Variants in YIPF1 observed in about 807,000 individuals in gnomAD.
YIPF1 encodes protein YIPF1.
YIPF1 carries 22 observed loss-of-function variants against 37.0 expected under a neutral mutation model. The ratio of observed to expected loss-of-function variants is 0.59; its 90% CI spans 0.42 to 0.85. The LOEUF (loss-of-function observed/expected upper bound fraction) is 0.85, where lower values mean the gene tolerates loss of function less well. Ranked by LOEUF, YIPF1 falls within the 40% of genes least tolerant of loss-of-function variation. The pLI is 0.00. For missense variants in YIPF1, 355 were observed against 373.1 expected (o/e 0.95, Z 0.40); for synonymous variants, 128 against 131.9 (o/e 0.97, Z 0.21).
At position 53,868,714 on chromosome 1, in the gene YIPF1, C is replaced by T. The variant is rs531573608; in HGVS notation, c.482-1790G>A. Among the ~76,000 whole-genome samples, 59 of 152,114 alleles carry T rather than the reference C, an allele frequency of 3.9e-4. 1 individual carries two copies. Among genetic ancestry groups the T allele is most frequent in the South Asian group, 1.5e-3 (7 of 4,822 alleles). ...TGTGACTCATACTTTTTACATAAAA[C>T]GGAAAAATGTTTATTGATAGGGCCA... On this transcript the variant is annotated intron_variant, in intron 7 of 10. Transcript: ENST00000072644.
chr1:53,888,795 G>A, intron 3 of YIPF1, 112 bp downstream of exon 3: 1 of 1,098,368 alleles, frequency 9.1e-7, no homozygotes, highest in Non-Finnish European at 1.3e-6. Flanking sequence ...CAGCCACCAA[G>A]ATGTTTGAAA....
intron 10 of YIPF1, among the ~76,000 whole-genome samples, chr1:53,854,665 T>C (rs539793163): frequency 8.5e-5 from 13 of 152,330 alleles, no homozygotes; most frequent in African/African-American, 2.6e-4. Flanking sequence ...GCGTATGAGA[T>C]GTAAAACTGG....
chr1:53,858,985 A>T (rs185898514), intron 10 of YIPF1, among the ~76,000 whole-genome samples: 60 of 152,284 alleles, frequency 3.9e-4, no homozygotes, highest in Admixed American at 8.5e-4. Context: ...GTTTTTGCAC[A>T]CATCTCATGC....
In YIPF1 at chr1:53,866,967, T is replaced by C; in HGVS notation, c.482-43A>G. The C allele has an allele frequency of 1.9e-6, 3 of 1,575,874 alleles. No homozygotes were observed. The South Asian group carries it at 3.6e-5, about 19-fold the overall frequency. ...CAAGTTTCAATCTCCATCATGCCTTTAGTAGACTATCAGAGCACTTCCAAC... is the reference window on the plus strand; with the variant it reads ...CAAGTTTCAATCTCCATCATGCCTTCAGTAGACTATCAGAGCACTTCCAAC... On this transcript the variant is annotated intron_variant, in intron 7 of 10. Coordinates refer to ENST00000072644, the MANE Select transcript of YIPF1 (RefSeq NM_018982.5).
chr1:53,863,741 C>T (rs1381578855), intron 9 of YIPF1, among the ~76,000 whole-genome samples: 1 of 151,670 alleles, frequency 6.6e-6, no homozygotes, highest in African/African-American at 2.4e-5. Flanking sequence ...GAAATGGGTT[C>T]TTTTTTTTGT....
intron 4 of YIPF1, among the ~76,000 whole-genome samples, chr1:53,879,951 A>G (rs913266463): frequency 1.3e-5 from 2 of 152,148 alleles, no homozygotes; most frequent in African/African-American, 2.4e-5. Flanking sequence ...ATCCCCAACC[A>G]AGGAAAGCAT....
At position 53,866,186 on chromosome 1, in the gene YIPF1, G is replaced by T. The variant is rs370333454; in HGVS notation, c.831+14C>A. ...TATAAAACACACCAAAAGAATATACGACTGAACCCATACCAAGCAGCCCAC... is the reference window on the plus strand; with the variant it reads ...TATAAAACACACCAAAAGAATATACTACTGAACCCATACCAAGCAGCCCAC... On this transcript the variant is annotated intron_variant, in intron 9 of 10. Transcript: ENST00000072644. The T allele has an allele frequency of 1.2e-6, 2 of 1,612,164 alleles. No individual in the cohort carries two copies. The highest frequency in any genetic ancestry group is 1.3e-5 in the African/African-American group (1 of 74,816).
At chr1:53,865,385 G>C (rs1649990012) in intron 9 of YIPF1, among the ~76,000 whole-genome samples, 2 of 151,882 alleles carry the variant, frequency 1.3e-5, no homozygotes, top group Admixed American at 6.6e-5. Flanking sequence ...AAATATGTAA[G>C]TTAAAAACAC....
In YIPF1 at chr1:53,866,758, T is replaced by C. The variant is rs755113804; in HGVS notation, c.648A>G (p.Ala216=). The change falls in exon 8 of 11, where the codon GCA becomes GCG. Residue 216 remains alanine, a splice_region_variant and synonymous_variant. Coordinates refer to ENST00000072644, the MANE Select transcript of YIPF1 (RefSeq NM_018982.5). ...GYSLFIYIPT[A]ILWIIPQKAV... The stretch of plus-strand genomic sequence containing the variant: ...TCTACTCCCTAAGTATGGTACTTAC[T>C]GCGGTGGGGATATAAATGAAGAGGG... 6.2e-7 allele frequency: 1 copy of C among 1,612,114 alleles called. No homozygotes were observed. The highest frequency in any genetic ancestry group is 8.5e-7 in the Non-Finnish European group (1 of 1,178,900).
intron 6 of YIPF1, among the ~76,000 whole-genome samples, chr1:53,872,474 A>C (rs924679116): frequency 6.6e-6 from 1 of 152,204 alleles, no homozygotes; most frequent in African/African-American, 2.4e-5. Flanking sequence ...AGATGAGTGG[A>C]CCATGCTTTA....
At chr1:53,874,996 G>A (rs1650297663) in intron 6 of YIPF1, among the ~76,000 whole-genome samples, 2 of 152,090 alleles carry the variant, frequency 1.3e-5, no homozygotes, top group South Asian at 4.1e-4. Flanking sequence ...TACTGCTACA[G>A]TGGATAATAT....
intron 10 of YIPF1, among the ~76,000 whole-genome samples, chr1:53,857,140 C>G (rs1411755183): frequency 6.6e-6 from 1 of 152,162 alleles, no homozygotes; most frequent in African/African-American, 2.4e-5. Context: ...GGAATTGAAT[C>G]CTGCCAACAA....
At chr1:53,857,062 G>A (rs1023967205) in intron 10 of YIPF1, among the ~76,000 whole-genome samples, 13 of 152,158 alleles carry the variant, frequency 8.5e-5, no homozygotes, top group African/African-American at 3.1e-4. Flanking sequence ...AGAGGCCCAC[G>A]TGGCAAGCAA....
At chr1:53,869,596 T>TA (rs1247233413) in intron 7 of YIPF1, among the ~76,000 whole-genome samples, 2 of 152,118 alleles carry the variant, frequency 1.3e-5, no homozygotes, top group African/African-American at 4.8e-5. Context: ...CCAGGCTACT[T>TA]ACAGCCTCTC....
chr1:53,864,920 C>A (rs1288122723), intron 9 of YIPF1, among the ~76,000 whole-genome samples: 1 of 152,006 alleles, frequency 6.6e-6, no homozygotes, highest in African/African-American at 2.4e-5. Context: ...GGAAATATAC[C>A]CATGTCACAG....
At position 53,866,324 on chromosome 1, in the gene YIPF1, C is replaced by T; in HGVS notation, c.707G>A (p.Gly236Asp). 6.2e-7 allele frequency: 1 copy of T among 1,614,088 alleles called. No homozygotes were observed. The highest frequency in any genetic ancestry group is 8.5e-7 in the Non-Finnish European group (1 of 1,179,988). ...VRWILVMIAL[G>D]ISGSLLAMTF... is the part of the protein sequence containing the mutation. ...CATTGCCAAGAGAGATCCTGAGATGCCCAGGGCAATCATGACTAGAATCCA... is the reference window on the plus strand; with the variant it reads ...CATTGCCAAGAGAGATCCTGAGATGTCCAGGGCAATCATGACTAGAATCCA... The change falls in exon 9 of 11, where the codon GGC (glycine) becomes GAC (aspartate). Residue 236 changes from glycine (G) to aspartate (D), a missense_variant. By Grantham distance (94) the Gly-to-Asp change is moderately conservative (BLOSUM62 -1). Transcript: ENST00000072644.
chr1:53,859,885 T>A (rs1056931904), intron 10 of YIPF1, among the ~76,000 whole-genome samples, 171 bp downstream of exon 10: 1 of 151,982 alleles, frequency 6.6e-6, no homozygotes. Context: ...ACAGAGGACT[T>A]CAATAAGAGG....
At position 53,888,985 on chromosome 1, in the gene YIPF1, T is replaced by A; in HGVS notation, c.-48A>T. The A allele has an allele frequency of 6.4e-7, 1 of 1,568,202 alleles. No individual in the cohort carries two copies. Among genetic ancestry groups the A allele is most frequent in the East Asian group, 2.3e-5 (1 of 44,188 alleles). ...ATTATGAGGAAGAAAATTTGCAGGGTTCTAAAAGAAAAAAATAGGTAAACA... is the reference window on the plus strand; with the variant it reads ...ATTATGAGGAAGAAAATTTGCAGGGATCTAAAAGAAAAAAATAGGTAAACA... On this transcript the variant is annotated splice_region_variant and 5_prime_UTR_variant, in exon 3 of 11. Transcript: ENST00000072644.
intron 10 of YIPF1, among the ~76,000 whole-genome samples, chr1:53,859,769 AAG>A (rs763581758): frequency 2.0e-5 from 3 of 152,224 alleles, no homozygotes; most frequent in African/African-American, 7.2e-5. Flanking sequence ...GTTCAGGGAG[AAG>A]AGAGTCCCCT....
Sources: allele counts gnomAD v4.1 joint callset (sites outside exome capture counted in the v4.1 genomes callset), GRCh38; gene constraint gnomAD v4.1.1; transcripts MANE v1.5; gene names NCBI Gene and HGNC (gene_info 2026-07-23, HGNC 2026-07-21).